Variants in NPIPB15 observed in about 807,000 individuals in gnomAD.
NPIPB15 encodes nuclear pore complex-interacting protein family member B15.
In NPIPB15, 5 loss-of-function variants were observed where a neutral mutation model predicts 35.9. The ratio of observed to expected loss-of-function variants is 0.14; its 90% CI spans 0.07 to 0.29. NPIPB15 has a LOEUF of 0.29. NPIPB15 is among the 10% of genes least tolerant of loss of function. The pLI, the probability that NPIPB15 is intolerant of heterozygous loss-of-function variation, is 1.00. For missense variants in NPIPB15, 100 were observed against 506.1 expected, an observed-to-expected ratio of 0.20 and a Z score of 7.70; for synonymous variants, 43 against 182.0, an observed-to-expected ratio of 0.24 and a Z score of 6.15.
intron 2 of NPIPB15, among the ~76,000 whole-genome samples, chr16:74,381,101 C>A (rs1015444333): frequency 2.1e-5 from 3 of 141,520 alleles, no homozygotes; most frequent in Non-Finnish European, 4.6e-5. Flanking sequence ...CGAGATTGCA[C>A]CACTGCACTC....
At chr16:74,382,667 C>A (rs569447316) in intron 3 of NPIPB15, among the ~76,000 whole-genome samples, 63 of 152,222 alleles carry the variant, frequency 4.1e-4, no homozygotes, top group Admixed American at 6.5e-4. Context: ...GGGGGCTGAA[C>A]CTCCTTCTGA....
At chr16:74,386,545 G>C (rs1453101661) in intron 5 of NPIPB15, among the ~76,000 whole-genome samples, 5 of 124,182 alleles carry the variant, frequency 4.0e-5, no homozygotes, top group African/African-American at 1.6e-4. Context: ...TGCAACCTCC[G>C]CCTCCCAGGT....
chr16:74,376,880 C>A lies in NPIPB15; in HGVS notation c.-489C>A, dbSNP rs1280536870. ...TATAAGGGCACTTTGAATTTCCAAG[C>A]AAATAATAATTTTGAATTAGCTTTT... is the stretch of plus-strand genomic sequence containing the variant. On this transcript the variant is annotated 5_prime_UTR_variant, in exon 1 of 8. Transcript: ENST00000692376. Among the ~76,000 whole-genome samples, 2 of 147,010 alleles carry A rather than the reference C, an allele frequency of 1.4e-5. No homozygotes were observed. Among genetic ancestry groups the A allele is most frequent in the African/African-American group, 5.0e-5 (2 of 40,118 alleles).
intron 1 of NPIPB15, among the ~76,000 whole-genome samples, chr16:74,377,651 C>A (rs1461424439): frequency 2.0e-5 from 3 of 151,954 alleles, no homozygotes; most frequent in South Asian, 2.1e-4. Context: ...TGTAGCTAAA[C>A]CTTCCACCAG....
In NPIPB15 at chr16:74,376,994, A is replaced by G. The variant is rs2011691059; in HGVS notation, c.-375A>G. On this transcript the variant is annotated 5_prime_UTR_variant, in exon 1 of 8. Transcript: ENST00000692376. ...ATATATTGAGATTTGCTGGAACAAAATAAGTCAGGTTAATTTTTGTAAATG... is the reference window on the plus strand; with the variant it reads ...ATATATTGAGATTTGCTGGAACAAAGTAAGTCAGGTTAATTTTTGTAAATG... 1.4e-5 allele frequency among the ~76,000 whole-genome samples: 2 copies of G among 145,124 alleles called. No homozygotes were observed. The highest frequency in any genetic ancestry group is 7.4e-5 in the Admixed American group (1 of 13,530).
At chr16:74,378,679 G>A (rs2011814998) in intron 2 of NPIPB15, among the ~76,000 whole-genome samples, 1 of 150,518 alleles carries the variant, frequency 6.6e-6, no homozygotes, top group African/African-American at 2.4e-5. Flanking sequence ...CCCAGTGCTG[G>A]GATTACAGGC....
intron 5 of NPIPB15, among the ~76,000 whole-genome samples, chr16:74,386,974 ATC>A (rs1401230278): frequency 6.7e-5 from 10 of 149,626 alleles, no homozygotes; most frequent in African/African-American, 2.2e-4. Flanking sequence ...CATATGACTG[ATC>A]TCTTTTTGTT....
intron 1 of NPIPB15, among the ~76,000 whole-genome samples, chr16:74,377,591 C>T (rs1358318207): frequency 1.8e-4 from 27 of 152,178 alleles, no homozygotes; most frequent in Admixed American, 7.2e-4. Context: ...CTAAGCCTCA[C>T]GCTCCCTTGC....
intron 5 of NPIPB15, among the ~76,000 whole-genome samples, chr16:74,389,398 A>T (rs1197537706): frequency 6.7e-6 from 1 of 150,188 alleles, no homozygotes; most frequent in Non-Finnish European, 1.5e-5. Flanking sequence ...TCTGAGATGG[A>T]GTCTCACTGT....
Position 74,381,641 on chromosome 16 carries a change from T to C in NPIPB15, c.192T>C (p.Ile64=), listed in dbSNP as rs2012001466. The change falls in exon 3 of 8, where the codon ATT becomes ATC. Residue 64 remains isoleucine, a synonymous_variant. Coordinates refer to ENST00000692376, the MANE Select transcript of NPIPB15 (RefSeq NM_001306094.2). ...AATTGGATAATTTGATAATTATCAT[T>C]ATTGGGTTTCTGAGACGTGACACAT... The part of the protein sequence containing the change: ...PQKLDNLIII[I]IGFLRRDTFT... 6.3e-7 allele frequency: 1 copy of C among 1,584,874 alleles called. No individual in the cohort carries two copies. Among genetic ancestry groups the C allele is most frequent in the South Asian group, 1.1e-5 (1 of 89,382 alleles).
chr16:74,378,875 A>G (rs1441295989), intron 2 of NPIPB15, among the ~76,000 whole-genome samples: 1 of 151,730 alleles, frequency 6.6e-6, no homozygotes, highest in African/African-American at 2.4e-5. Flanking sequence ...ATATCAGCTC[A>G]CCGCAACCGC....
Position 74,381,699 on chromosome 16 carries a change from G to C in NPIPB15, c.249+1G>C. On this transcript the variant is annotated splice_donor_variant, in intron 3 of 7. Coordinates refer to ENST00000692376, the MANE Select transcript of NPIPB15 (RefSeq NM_001306094.2). LOFTEE classifies it high-confidence loss of function. ...TCTCTTCTGCACAAGTTACCTTTGT[G>C]TGAGTATACTAACTTTCTGTAGAGG... 1 of 1,591,836 alleles carries C rather than the reference G, an allele frequency of 6.3e-7. No homozygotes were observed. The highest frequency in any genetic ancestry group is 2.2e-5 in the East Asian group (1 of 44,628).
intron 2 of NPIPB15, among the ~76,000 whole-genome samples, chr16:74,379,451 T>C (rs2011861277): frequency 6.6e-6 from 1 of 152,108 alleles, no homozygotes; most frequent in African/African-American, 2.4e-5. Context: ...TGTAGAAATG[T>C]TATCACAAGC....
At chr16:74,391,305 A>G (rs1436372851) in intron 7 of NPIPB15, 86 bp from the exon 8 acceptor site, 1 of 1,557,824 alleles carries the variant, frequency 6.4e-7, no homozygotes, top group Non-Finnish European at 8.6e-7. Context: ...TATCACCAGC[A>G]ACAGAAGGTG....
chr16:74,382,715 T>C (rs548865173), intron 3 of NPIPB15, among the ~76,000 whole-genome samples: 13 of 152,366 alleles, frequency 8.5e-5, no homozygotes, highest in South Asian at 6.2e-4. Flanking sequence ...ACCACAATGC[T>C]TTTTTATATT....
rs1259157679 is a variant in NPIPB15, at chr16:74,385,307, TG to T, written c.250-34del. ...GATTATTTATACGCATGAGCCACCG[TG>T]CCCAGCCGTCATTCTTATATTATTA... On this transcript the variant is annotated intron_variant, in intron 3 of 7. Coordinates refer to ENST00000692376, the MANE Select transcript of NPIPB15 (RefSeq NM_001306094.2). 9 of 1,590,586 alleles carry T rather than the reference TG, an allele frequency of 5.7e-6. No homozygotes were observed. In the Admixed American group the frequency reaches 1.5e-4, roughly 27 times the overall value.
chr16:74,384,990 C>CG (rs1567414287), intron 3 of NPIPB15, among the ~76,000 whole-genome samples: 12 of 86,746 alleles, frequency 1.4e-4, no homozygotes, highest in Non-Finnish European at 2.3e-4. Flanking sequence ...TCATGTCATT[C>CG]TTGTGTGTGT....
At chr16:74,384,668 ATTTTTTT>A (rs1186582416) in intron 3 of NPIPB15, among the ~76,000 whole-genome samples, 4,395 of 61,074 alleles carry the variant, frequency 0.072, 96 homozygotes, top group Admixed American at 0.11. Flanking sequence ...CACCTGGCCT[ATTTTTTT>A]TTTTTTTTTT....
chr16:74,384,783 G>A (rs1464302627), intron 3 of NPIPB15, among the ~76,000 whole-genome samples: 2 of 146,804 alleles, frequency 1.4e-5, no homozygotes, highest in African/African-American at 2.5e-5. Flanking sequence ...CTGGGTTCAA[G>A]TGATTCTCCT....
Sources: gnomAD v4.1 joint callset for allele counts (sites outside exome capture counted in the v4.1 genomes callset) on GRCh38, gnomAD v4.1.1 for gene constraint, MANE v1.5 for transcripts, NCBI Gene and HGNC (gene_info 2026-07-23, HGNC 2026-07-21) for gene names.